Variants in IPCEF1 observed in about 807,000 individuals in gnomAD.
IPCEF1 encodes interaction protein for cytohesin exchange factors 1, also known as interactor protein for cytohesin exchange factors 1.
IPCEF1 carries 31 observed loss-of-function variants against 50.9 expected under a neutral mutation model. The observed-to-expected ratio is 0.61, with a 90% CI of 0.46 to 0.82. The LOEUF (loss-of-function observed/expected upper bound fraction) is 0.82, where lower values mean the gene tolerates loss of function less well. Ranked by LOEUF, IPCEF1 falls within the 40% of genes least tolerant of loss-of-function variation. The pLI is 0.00. For synonymous variants in IPCEF1, 181 were observed against 192.0 expected (o/e 0.94, Z 0.47); for missense variants, 458 against 514.0 (o/e 0.89, Z 1.05).
chr6:154,322,431 T>C (rs1371469713), intron 1 of IPCEF1, among the ~76,000 whole-genome samples: 1 of 151,960 alleles, frequency 6.6e-6, no homozygotes, highest in African/African-American at 2.4e-5. Flanking sequence ...ATGCAAATGA[T>C]GTGCTATCAC....
intron 11 of IPCEF1, among the ~76,000 whole-genome samples, chr6:154,165,779 G>A (rs2128551887): frequency 6.6e-6 from 1 of 152,318 alleles, no homozygotes; most frequent in Non-Finnish European, 1.5e-5. Context: ...GCTGCCACTG[G>A]GTTATAACCC....
At chr6:154,331,405 A>AAG (rs796267175) in intron 1 of IPCEF1, among the ~76,000 whole-genome samples, 3 of 92,942 alleles carry the variant, frequency 3.2e-5, no homozygotes, top group African/African-American at 1.2e-4. Context: ...GAAAGAAAGA[A>AAG]AGAGAGAGAA....
At chr6:154,172,670 C>A (rs940081267) in intron 10 of IPCEF1, among the ~76,000 whole-genome samples, 1 of 152,212 alleles carries the variant, frequency 6.6e-6, no homozygotes, top group Non-Finnish European at 1.5e-5. Context: ...TCGAACTGGG[C>A]GGAGCCCACT....
chr6:154,186,845 C>A lies in IPCEF1; in HGVS notation c.910+12823G>T, dbSNP rs907159720. On this transcript the variant is annotated intron_variant, in intron 10 of 11. Coordinates refer to ENST00000367220, the MANE Select transcript of IPCEF1 (RefSeq NM_001130700.2). ...TGCTGGGATTACAGACGTGAGCCACCACGCCCGGCCCAGAGCAGCTCTTTT... is the reference window on the plus strand; with the variant it reads ...TGCTGGGATTACAGACGTGAGCCACAACGCCCGGCCCAGAGCAGCTCTTTT... 1.2e-4 allele frequency among the ~76,000 whole-genome samples: 19 copies of A among 152,218 alleles called. 1 individual carries two copies. The highest frequency in any genetic ancestry group is 4.6e-4 in the African/African-American group (19 of 41,528).
chr6:154,209,199 C>T (rs1205520193), intron 9 of IPCEF1, among the ~76,000 whole-genome samples: 1 of 152,048 alleles, frequency 6.6e-6, no homozygotes, highest in East Asian at 1.9e-4. Context: ...TTATTTTATA[C>T]TGTTGAGTTC....
intron 1 of IPCEF1, among the ~76,000 whole-genome samples, chr6:154,297,980 C>T (rs1782705564): frequency 6.6e-6 from 1 of 152,130 alleles, no homozygotes; most frequent in South Asian, 2.1e-4. Flanking sequence ...GCGTGAGGTC[C>T]CAGGGTGCAG....
chr6:154,208,799 T>A (rs1396569578), intron 9 of IPCEF1, among the ~76,000 whole-genome samples: 2 of 152,246 alleles, frequency 1.3e-5, no homozygotes, highest in Non-Finnish European at 2.9e-5. Flanking sequence ...CTTTTTGCTC[T>A]TTTGTGAAAC....
intron 1 of IPCEF1, among the ~76,000 whole-genome samples, chr6:154,339,321 A>G (rs1274363768): frequency 3.3e-5 from 5 of 152,180 alleles, no homozygotes; most frequent in African/African-American, 1.2e-4. Flanking sequence ...AAATTCAACC[A>G]AGTTCATTTG....
intron 5 of IPCEF1, among the ~76,000 whole-genome samples, chr6:154,235,547 A>AAAT (rs1554297360): frequency 2.9e-4 from 44 of 149,818 alleles, no homozygotes; most frequent in East Asian, 1.8e-3. Context: ...AAAAAAAAAA[A>AAAT]AAAAGTAATG....
At chr6:154,199,520 C>T (rs1174162738) in intron 10 of IPCEF1, 148 bp downstream of exon 10, 1 of 936,936 alleles carries the variant, frequency 1.1e-6, no homozygotes, top group Non-Finnish European at 1.5e-6. Context: ...AACTCCTCTA[C>T]AAAGCAACCT....
intron 7 of IPCEF1, among the ~76,000 whole-genome samples, chr6:154,220,761 A>C (rs1778801194): frequency 6.6e-6 from 1 of 152,232 alleles, no homozygotes; most frequent in South Asian, 2.1e-4. Context: ...ACCACCCTGG[A>C]AATGGAGCTA....
At chr6:154,261,885 T>C (rs1178115397) in intron 3 of IPCEF1, among the ~76,000 whole-genome samples, 1 of 152,182 alleles carries the variant, frequency 6.6e-6, no homozygotes, top group Non-Finnish European at 1.5e-5. Context: ...GTTCAACCCA[T>C]ATAACTCAAT....
chr6:154,196,603 G>A (rs538168444), intron 10 of IPCEF1, among the ~76,000 whole-genome samples: 1 of 152,292 alleles, frequency 6.6e-6, no homozygotes, highest in South Asian at 2.1e-4. Context: ...TTGTCAGCAG[G>A]TAGTGTGTGT....
intron 10 of IPCEF1, among the ~76,000 whole-genome samples, chr6:154,195,143 C>CTTTT (rs1162086187): frequency 4.4e-4 from 59 of 133,514 alleles, no homozygotes; most frequent in African/African-American, 1.6e-3. Flanking sequence ...TTTTTCTTTT[C>CTTTT]TTTCTTTTTT....
At chr6:154,251,910 A>G (rs1427944625) in intron 3 of IPCEF1, among the ~76,000 whole-genome samples, 2 of 152,162 alleles carry the variant, frequency 1.3e-5, no homozygotes, top group Non-Finnish European at 2.9e-5. Context: ...TCCAGGGAAA[A>G]TCGTGGAGTT....
chr6:154,207,535 C>G (rs1417772905), intron 9 of IPCEF1, among the ~76,000 whole-genome samples: 1 of 150,820 alleles, frequency 6.6e-6, no homozygotes, highest in African/African-American at 2.4e-5. Flanking sequence ...AATTTCACCT[C>G]CTTCTGTGTT....
chr6:154,315,105 A>G (rs1562285498), intron 1 of IPCEF1, among the ~76,000 whole-genome samples: 1 of 151,950 alleles, frequency 6.6e-6, no homozygotes, highest in African/African-American at 2.4e-5. Flanking sequence ...CTAATCTCGA[A>G]CTCCTGACCT....
rs184956797 is a variant in IPCEF1 at position 154,155,463 on chromosome 6, T to C, written c.*4365A>G. 25 of 152,330 alleles carry C rather than the reference T, an allele frequency of 1.6e-4. No homozygotes were observed. In the East Asian group the frequency reaches 3.3e-3, roughly 20 times the overall value. The allele number at this position is 152,330 out of a possible 1,614,324, so 9.4% of individuals were successfully genotyped here. A position where few individuals can be genotyped will look rare whatever the true frequency, so the allele number is the denominator to read the frequency against. On this transcript the variant is annotated 3_prime_UTR_variant, in exon 12 of 12. Coordinates refer to ENST00000367220, the MANE Select transcript of IPCEF1 (RefSeq NM_001130700.2). ...TGTGGATATGGCAGCTTTTCTGTAC[T>C]TAACATTACTCATTAAATCATGTAT... is the stretch of plus-strand genomic sequence containing the variant.
In IPCEF1 at chr6:154,348,080, C is replaced by T. The variant is rs1784065592; in HGVS notation, c.-62+8592G>A. Among the ~76,000 whole-genome samples the T allele has an allele frequency of 2.0e-5, 3 of 152,082 alleles. No homozygotes were observed. The South Asian group carries it at 6.2e-4, about 32-fold the overall frequency. The stretch of plus-strand genomic sequence containing the variant: ...GTTTTGGTGACTCGGTGTCTCTCTC[C>T]CCGTGCTGGCTTCTCAGCTCAGAAT... On this transcript the variant is annotated intron_variant, in intron 1 of 11. Coordinates refer to ENST00000367220, the MANE Select transcript of IPCEF1 (RefSeq NM_001130700.2).
Sources: gnomAD v4.1 joint callset for allele counts (sites outside exome capture counted in the v4.1 genomes callset) on GRCh38, gnomAD v4.1.1 for gene constraint, MANE v1.5 for transcripts, NCBI Gene and HGNC (gene_info 2026-07-23, HGNC 2026-07-21) for gene names.